The following ABI3 variants were observed in gnomAD, a reference collection of about 807,000 sequenced individuals.
The protein encoded by ABI3 is ABI gene family member 3.
ABI3 carries 24 observed loss-of-function variants against 37.0 expected under a neutral mutation model. The observed-to-expected ratio is 0.65, with a 90% CI of 0.47 to 0.91. The LOEUF is 0.91. Ranked by LOEUF, ABI3 falls within the 40% of genes least tolerant of loss-of-function variation. ABI3 has a pLI of 0.00. For missense variants in ABI3, 481 were observed against 485.1 expected, an observed-to-expected ratio of 0.99 and a Z score of 0.08; for synonymous variants, 220 against 211.8, an observed-to-expected ratio of 1.04 and a Z score of -0.34.
At chr17:49,220,816 C>T (rs1355555784) in intron 6 of ABI3, among the ~76,000 whole-genome samples, 2 of 149,714 alleles carry the variant, frequency 1.3e-5, no homozygotes, top group East Asian at 2.0e-4. Context: ...TGCACTCCAG[C>T]CTGGGCAACA....
Position 49,219,439 on chromosome 17 carries a change from C to T in ABI3, c.463-101C>T. 9.3e-7 allele frequency: 1 copy of T among 1,071,650 alleles called. No individual in the cohort carries two copies. Among genetic ancestry groups the T allele is most frequent in the Non-Finnish European group, 1.4e-6 (1 of 735,554 alleles). 66.4% of individuals were successfully genotyped at this position (1,071,650 alleles called of 1,614,324 possible). ...GGGAACTGGCTATGCCGGGCTCTCC[C>T]TCCCGGTTCCCGTCCGCCCCTCCTC... is the stretch of plus-strand genomic sequence containing the variant. On this transcript the variant is annotated intron_variant, in intron 3 of 7. Transcript: ENST00000225941. The surrounding 1 kb of genome is among the most constrained non-coding windows in gnomAD (Gnocchi z 4.3).
chr17:49,218,805 T>G (rs1006211580), intron 3 of ABI3, among the ~76,000 whole-genome samples: 3 of 146,448 alleles, frequency 2.0e-5, no homozygotes, highest in East Asian at 2.0e-4. Flanking sequence ...TTAGTAGAGA[T>G]AGGGTTTCTC....
Position 49,219,859 on chromosome 17 carries a change from A to G in ABI3, c.550A>G (p.Arg184Gly). 6.5e-7 allele frequency: 1 copy of G among 1,543,010 alleles called. No individual in the cohort carries two copies. Among genetic ancestry groups the G allele is most frequent in the Non-Finnish European group, 8.7e-7 (1 of 1,149,250 alleles). Residue 184 changes from arginine (R) to glycine (G), a missense_variant and splice_region_variant, in exon 5 of 8, where the codon AGA becomes GGA. By Grantham distance (125) the Arg-to-Gly change is moderately radical. Coordinates refer to ENST00000225941, the MANE Select transcript of ABI3 (RefSeq NM_016428.3). The surrounding 1 kb of genome is among the most constrained non-coding windows in gnomAD (Gnocchi z 4.3). ...PATPASATLGRPPRIPEPVHL... is the reference protein window; with the variant it reads ...PATPASATLGGPPRIPEPVHL... Reference sequence around the variant, plus strand: ...TACCCACTCCCTGCCCCCCGCCAGGAGACCACCCCGGATTCCCGAGCCAGT... The same window carrying G: ...TACCCACTCCCTGCCCCCCGCCAGGGGACCACCCCGGATTCCCGAGCCAGT...
chr17:49,222,325 GC>G (rs2043300358), intron 7 of ABI3, 100 bp downstream of exon 7: 5 of 1,479,280 alleles, frequency 3.4e-6, no homozygotes, highest in Non-Finnish European at 3.6e-6. Context: ...TATCCCCCGG[GC>G]CCCCCACACA....
chr17:49,219,972 C>T lies in ABI3; in HGVS notation c.644+19C>T, dbSNP rs767707040. The T allele has an allele frequency of 6.5e-7, 1 of 1,533,376 alleles. No homozygotes were observed. The highest frequency in any genetic ancestry group is 8.8e-7 in the Non-Finnish European group (1 of 1,142,198). The allele number at this position is 1,533,376 out of a possible 1,614,324, so 95.0% of individuals were successfully genotyped here. A position where few individuals can be genotyped will look rare whatever the true frequency, so the allele number is the denominator to read the frequency against. On this transcript the variant is annotated intron_variant, in intron 5 of 7. Coordinates refer to ENST00000225941, the MANE Select transcript of ABI3 (RefSeq NM_016428.3). This position sits in a 1 kb window ranked among gnomAD's most constrained non-coding sequence, Gnocchi z 4.3. ...CGGCCGGGTGAGACCTACAAGCCCA[C>T]GTGGGTGGGTGGGGGGTGGGAAGTG... is the stretch of plus-strand genomic sequence containing the variant.
chr17:49,214,196 G>A (rs555717059), intron 1 of ABI3, among the ~76,000 whole-genome samples: 5 of 152,270 alleles, frequency 3.3e-5, no homozygotes, highest in South Asian at 2.1e-4. Flanking sequence ...AGGGGCACCC[G>A]AGGGCTCAAG....
chr17:49,217,544 TGGCTCCA>T (rs1338725945), intron 2 of ABI3, among the ~76,000 whole-genome samples, 188 bp from the exon 3 acceptor site: 5 of 145,104 alleles, frequency 3.4e-5, no homozygotes, highest in African/African-American at 1.3e-4. Flanking sequence ...TGCTCCAAAG[TGGCTCCA>T]TCCTTTCCTG....
Position 49,216,516 on chromosome 17 carries a change from C to G in ABI3, c.118-15C>G. On this transcript the variant is annotated splice_polypyrimidine_tract_variant and intron_variant, in intron 1 of 7. Transcript: ENST00000225941. ...GAAGATGCTGGCCCTTAGGCCAGGG[C>G]TGTGTGTATTTCAGGCCACAGACAA... The G allele has an allele frequency of 6.4e-7, 1 of 1,551,026 alleles. No homozygotes were observed. The highest frequency in any genetic ancestry group is 8.7e-7 in the Non-Finnish European group (1 of 1,147,442).
rs1211706767 is a variant in ABI3 at position 49,210,875 on chromosome 17, C to G, written c.117+34C>G. 3 of 1,517,202 alleles carry G rather than the reference C, an allele frequency of 2.0e-6. No homozygotes were observed. The highest frequency in any genetic ancestry group is 2.7e-6 in the Non-Finnish European group (3 of 1,118,624). 94.0% of individuals were successfully genotyped at this position (1,517,202 alleles called of 1,614,324 possible). The stretch of plus-strand genomic sequence containing the variant: ...AGCGGGCGGAAGCCTGACACCCCAG[C>G]CCCCGGAGGGGGGACCCTGAGCCCT... On this transcript the variant is annotated intron_variant, in intron 1 of 7. Coordinates refer to ENST00000225941, the MANE Select transcript of ABI3 (RefSeq NM_016428.3). The surrounding 1 kb of genome is among the most constrained non-coding windows in gnomAD (Gnocchi z 4.2).
chr17:49,216,491 G>A, intron 1 of ABI3, 40 bp from the exon 2 acceptor site: 1 of 1,457,732 alleles, frequency 6.9e-7, no homozygotes, highest in Non-Finnish European at 9.1e-7. Flanking sequence ...GGACCCAGTG[G>A]AAGATGCTGG....
chr17:49,222,174 GGAT>G lies in ABI3; in HGVS notation c.887_889del (p.Gly296_Phe297delinsVal). On this transcript the variant is annotated inframe_deletion, in exon 7 of 8. Coordinates refer to ENST00000225941, the MANE Select transcript of ABI3 (RefSeq NM_016428.3). ...ATTGGGGCTGCCTCCACCCCCACCAGGATTTGGGCCTGATGAGCCCAGCTGGGT... is the reference window on the plus strand; with the variant it reads ...ATTGGGGCTGCCTCCACCCCCACCAGTTGGGCCTGATGAGCCCAGCTGGGT... 6.2e-7 allele frequency: 1 copy of G among 1,613,758 alleles called. No homozygotes were observed. Among genetic ancestry groups the G allele is most frequent in the Admixed American group, 1.7e-5 (1 of 59,966 alleles).
intron 2 of ABI3, 82 bp downstream of exon 2, chr17:49,216,780 G>T: frequency 1.1e-5 from 14 of 1,324,562 alleles, no homozygotes; most frequent in Non-Finnish European, 1.4e-5. Flanking sequence ...TACATCAAAA[G>T]TTCCTTCCTG....
intron 1 of ABI3, 110 bp from the exon 2 acceptor site, chr17:49,216,421 C>T (rs752557739): frequency 8.3e-6 from 9 of 1,084,754 alleles, no homozygotes; most frequent in Non-Finnish European, 1.1e-5. Context: ...GGTTGCTGCT[C>T]TCTCCCAATC....
chr17:49,221,998 G>A, intron 6 of ABI3, 93 bp from the exon 7 acceptor site: 1 of 1,426,730 alleles, frequency 7.0e-7, no homozygotes, highest in Non-Finnish European at 9.2e-7. Context: ...CGCTGAGATG[G>A]GTGGATTCTG....
chr17:49,214,810 C>G (rs1028830791), intron 1 of ABI3, among the ~76,000 whole-genome samples: 9 of 152,326 alleles, frequency 5.9e-5, no homozygotes, highest in Admixed American at 5.9e-4. Context: ...GGCACAGTGC[C>G]TAGAATACAG....
chr17:49,218,824 C>T (rs2043249069), intron 3 of ABI3, among the ~76,000 whole-genome samples: 1 of 146,760 alleles, frequency 6.8e-6, no homozygotes, highest in Non-Finnish European at 1.5e-5. Flanking sequence ...TCCATGGTGG[C>T]CAGGCTGGTC....
At chr17:49,211,047 C>T (rs2043161654) in intron 1 of ABI3, among the ~76,000 whole-genome samples, 1 of 152,216 alleles carries the variant, frequency 6.6e-6, no homozygotes, top group Admixed American at 6.5e-5. Flanking sequence ...TGTGCCCCTT[C>T]TGTCTCTCAG....
intron 1 of ABI3, among the ~76,000 whole-genome samples, chr17:49,213,011 C>G (rs138043095): frequency 6.6e-6 from 1 of 152,344 alleles, no homozygotes; most frequent in East Asian, 1.9e-4. Context: ...TTTGGGGTCG[C>G]AAAGACCTAA....
chr17:49,216,479 A>G, intron 1 of ABI3, 52 bp from the exon 2 acceptor site: 3 of 1,422,106 alleles, frequency 2.1e-6, no homozygotes, highest in Non-Finnish European at 2.8e-6. Context: ...CCAGCCAGCC[A>G]AGGACCCAGT....
Sources: allele counts gnomAD v4.1 joint callset (sites outside exome capture counted in the v4.1 genomes callset), GRCh38; gene constraint gnomAD v4.1.1; non-coding constraint Gnocchi (gnomAD v3.1); transcripts MANE v1.5; gene names NCBI Gene and HGNC (gene_info 2026-07-23, HGNC 2026-07-21).